The following RAB4A variants were observed in gnomAD, a reference collection of about 807,000 sequenced individuals.
The protein encoded by RAB4A is ras-related protein Rab-4A.
RAB4A carries 20 observed loss-of-function variants against 34.5 expected under a neutral mutation model. That is an observed-to-expected ratio of 0.58 (90% CI 0.41 to 0.84). The LOEUF (loss-of-function observed/expected upper bound fraction) is 0.84, where lower values mean the gene tolerates loss of function less well. RAB4A is among the 40% of genes least tolerant of loss of function. RAB4A has a pLI of 0.00. For synonymous variants in RAB4A, 102 were observed against 100.0 expected, an observed-to-expected ratio of 1.02 and a Z score of -0.12; for missense variants, 228 against 274.5, an observed-to-expected ratio of 0.83 and a Z score of 1.20.
intron 5 of RAB4A, 46 bp from the exon 6 acceptor site, chr1:229,298,928 TATG>T (rs1657310264): frequency 7.2e-7 from 1 of 1,383,974 alleles, no homozygotes. Context: ...AAGTGAAAAT[TATG>T]ATCATCTTCT....
intron 1 of RAB4A, among the ~76,000 whole-genome samples, chr1:229,278,053 C>A (rs149071327): frequency 6.6e-6 from 1 of 152,020 alleles, no homozygotes; most frequent in African/African-American, 2.4e-5. Flanking sequence ...TTAGTAGAGA[C>A]GGGGTTTCAC....
chr1:229,295,279 A>T (rs527352200), intron 3 of RAB4A, among the ~76,000 whole-genome samples: 3 of 152,150 alleles, frequency 2.0e-5, no homozygotes, highest in Admixed American at 6.5e-5. Context: ...GAGATTGACA[A>T]TGTAGGGGAA....
intron 1 of RAB4A, among the ~76,000 whole-genome samples, chr1:229,281,546 G>A (rs1656777413): frequency 6.6e-6 from 1 of 151,782 alleles, no homozygotes; most frequent in Admixed American, 6.6e-5. Flanking sequence ...TCTTGTAGAC[G>A]GTGTATGATT....
At chr1:229,271,486 G>A in intron 1 of RAB4A, 116 bp downstream of exon 1, 1 of 896,284 alleles carries the variant, frequency 1.1e-6, no homozygotes, top group Non-Finnish European at 1.4e-6. Context: ...GCCGGAGCCG[G>A]GGGACGGATC....
chr1:229,291,458 C>T (rs1657067011), intron 3 of RAB4A, among the ~76,000 whole-genome samples: 1 of 152,148 alleles, frequency 6.6e-6, no homozygotes, highest in Non-Finnish European at 1.5e-5. Context: ...TCCAGGAGGA[C>T]CAGGGGAACA....
intron 1 of RAB4A, among the ~76,000 whole-genome samples, chr1:229,276,883 C>T (rs993450916): frequency 3.3e-5 from 5 of 150,598 alleles, no homozygotes; most frequent in African/African-American, 1.2e-4. Flanking sequence ...CACCACTGTC[C>T]CTAGGCAGCT....
chr1:229,274,723 G>A (rs912803104), intron 1 of RAB4A, among the ~76,000 whole-genome samples: 1 of 152,216 alleles, frequency 6.6e-6, no homozygotes, highest in Non-Finnish European at 1.5e-5. Context: ...GCTAAGCAGC[G>A]ATGTTCAGAA....
chr1:229,285,032 G>C (rs1297813533), intron 1 of RAB4A, among the ~76,000 whole-genome samples: 1 of 152,114 alleles, frequency 6.6e-6, no homozygotes, highest in African/African-American at 2.4e-5. Flanking sequence ...TTTACAGACA[G>C]AGTGCTCTGT....
chr1:229,302,289 ATATATATATATATATATATATT>A lies in RAB4A; in HGVS notation c.542-571_542-550del, dbSNP rs1260603092. Reference sequence around the variant, plus strand: ...TATATATATATATATATATATATATATATATATATATATATATATATTTTTTTTTTTTTTTTACATGTGCATG... The same window carrying A: ...TATATATATATATATATATATATATATTTTTTTTTTTTTTACATGTGCATG... On this transcript the variant is annotated intron_variant, in intron 6 of 7. Transcript: ENST00000366690. Among the ~76,000 whole-genome samples, 126 of 21,886 alleles carry A rather than the reference ATATATATATATATATATATATT, an allele frequency of 5.8e-3. 6 individuals carry two copies. Among genetic ancestry groups the A allele is most frequent in the Middle Eastern group, 0.011 (1 of 88 alleles). 14.4% of individuals were successfully genotyped at this position (21,886 alleles called of 152,430 possible).
chr1:229,291,496 C>T (rs1223768148), intron 3 of RAB4A, among the ~76,000 whole-genome samples: 1 of 152,212 alleles, frequency 6.6e-6, no homozygotes, highest in African/African-American at 2.4e-5. Context: ...GAGCTCACGA[C>T]TCTGTCAGAG....
rs1021626227 is a variant in RAB4A, at chr1:229,271,140, G to A, written c.-200G>A. 2.5e-6 allele frequency: 1 copy of A among 397,834 alleles called. No individual in the cohort carries two copies. Among genetic ancestry groups the A allele is most frequent in the Non-Finnish European group, 4.2e-6 (1 of 237,258 alleles). The allele number at this position is 397,834 out of a possible 1,614,324, so 24.6% of individuals were successfully genotyped here. A position where few individuals can be genotyped will look rare whatever the true frequency, so the allele number is the denominator to read the frequency against. ...TCCTCCTCGCGGTCGCGGCCGGACG[G>A]AGGGTGGAGGGCCCTGCGCCTGCGC... On this transcript the variant is annotated 5_prime_UTR_variant, in exon 1 of 8. Transcript: ENST00000366690.
At chr1:229,290,495 C>T (rs1197415904) in intron 3 of RAB4A, among the ~76,000 whole-genome samples, 1 of 152,214 alleles carries the variant, frequency 6.6e-6, no homozygotes. Flanking sequence ...AGCCCAGTCT[C>T]TATCCAGTCA....
Position 229,305,070 on chromosome 1 carries a change from A to G in RAB4A, c.*1277A>G, listed in dbSNP as rs1300648601. On this transcript the variant is annotated 3_prime_UTR_variant, in exon 8 of 8. Transcript: ENST00000366690. The stretch of plus-strand genomic sequence containing the variant: ...TAGTAAATTAACTTTTAGTTAGAAG[A>G]TGCCTACTGCTTTTGTTGTTTATTT... 2 of 1,444,530 alleles carry G rather than the reference A, an allele frequency of 1.4e-6. No homozygotes were observed. Among genetic ancestry groups the G allele is most frequent in the Non-Finnish European group, 1.8e-6 (2 of 1,095,874 alleles). The allele number at this position is 1,444,530 out of a possible 1,614,324, so 89.5% of individuals were successfully genotyped here. A position where few individuals can be genotyped will look rare whatever the true frequency, so the allele number is the denominator to read the frequency against.
At chr1:229,289,025 C>T (rs551870386) in intron 3 of RAB4A, 182 bp downstream of exon 3, 3 of 563,876 alleles carry the variant, frequency 5.3e-6, no homozygotes, top group African/African-American at 3.8e-5. Flanking sequence ...TAGCTCTCTG[C>T]AGCATGGATT....
At chr1:229,302,307 A>ATTTTTTTTTTT (rs1657430149) in intron 6 of RAB4A, among the ~76,000 whole-genome samples, 1 of 34,998 alleles carries the variant, frequency 2.9e-5, no homozygotes, top group Non-Finnish European at 5.8e-5. Flanking sequence ...ATATATATAT[A>ATTTTTTTTTTT]TATTTTTTTT....
chr1:229,305,086 T>C lies in RAB4A; in HGVS notation c.*1293T>C, dbSNP rs1218791404. On this transcript the variant is annotated 3_prime_UTR_variant, in exon 8 of 8. Transcript: ENST00000366690. ...AGTTAGAAGATGCCTACTGCTTTTGTTGTTTATTTTAATCAGCAGAGCACA... is the reference window on the plus strand; with the variant it reads ...AGTTAGAAGATGCCTACTGCTTTTGCTGTTTATTTTAATCAGCAGAGCACA... 1 of 1,476,920 alleles carries C rather than the reference T, an allele frequency of 6.8e-7. No homozygotes were observed. Among genetic ancestry groups the C allele is most frequent in the Non-Finnish European group, 9.0e-7 (1 of 1,114,920 alleles). The allele number at this position is 1,476,920 out of a possible 1,614,324, so 91.5% of individuals were successfully genotyped here.
At chr1:229,298,487 G>A (rs1012369538) in intron 5 of RAB4A, among the ~76,000 whole-genome samples, 13 of 152,242 alleles carry the variant, frequency 8.5e-5, no homozygotes, top group African/African-American at 2.4e-4. Context: ...CTGCTGAGAT[G>A]AACAGCCACT....
chr1:229,293,696 G>A (rs1657158561), intron 3 of RAB4A, among the ~76,000 whole-genome samples: 1 of 152,124 alleles, frequency 6.6e-6, no homozygotes, highest in Non-Finnish European at 1.5e-5. Flanking sequence ...GAGACAGAAA[G>A]AGCATCCCAC....
chr1:229,293,177 G>A (rs536564701), intron 3 of RAB4A, among the ~76,000 whole-genome samples: 1 of 152,302 alleles, frequency 6.6e-6, no homozygotes, highest in African/African-American at 2.4e-5. Flanking sequence ...GTATGGGGAT[G>A]GGCCACCTCC....
Sources: gnomAD v4.1 joint callset for allele counts (sites outside exome capture counted in the v4.1 genomes callset) on GRCh38, gnomAD v4.1.1 for gene constraint, MANE v1.5 for transcripts, NCBI Gene and HGNC (gene_info 2026-07-23, HGNC 2026-07-21) for gene names.